KIF5B: variants seen among roughly 807,000 people sequenced by gnomAD.
KIF5B encodes the protein kinesin family member 5B.
Under a neutral mutation model 132.8 loss-of-function variants are expected in KIF5B, and 49 were observed. That is an observed-to-expected ratio of 0.37 (90% confidence interval 0.29 to 0.47). The LOEUF (loss-of-function observed/expected upper bound fraction) is 0.47, where lower values mean the gene tolerates loss of function less well. Among genes scored for constraint, KIF5B ranks in the 20% least tolerant of loss-of-function variants. KIF5B has a pLI of 1.00. For synonymous variants in KIF5B, 355 were observed against 369.4 expected (o/e 0.96, Z 0.45); for missense variants, 780 against 1,144.0 (o/e 0.68, Z 4.59).
intron 14 of KIF5B, among the ~76,000 whole-genome samples, chr10:32,030,732 T>C (rs547532271): frequency 6.6e-6 from 1 of 152,308 alleles, no homozygotes; most frequent in African/African-American, 2.4e-5. Context: ...AATAGCTTTA[T>C]TGGGCAACTA....
At chr10:32,044,029 T>C (rs746878757) in intron 2 of KIF5B, among the ~76,000 whole-genome samples, 2 of 152,136 alleles carry the variant, frequency 1.3e-5, no homozygotes, top group Non-Finnish European at 2.9e-5. Context: ...TCCTCACACC[T>C]CCCTAGGTAC....
At chr10:32,037,652 A>T (rs1309814860) in intron 6 of KIF5B, 45 bp from the exon 7 acceptor site, 1 of 1,405,912 alleles carries the variant, frequency 7.1e-7, no homozygotes, top group Admixed American at 1.8e-5. Flanking sequence ...GGCCAACATG[A>T]TGAAACCCTT....
intron 6 of KIF5B, 74 bp downstream of exon 6, chr10:32,038,089 G>A (rs545070415): frequency 4.5e-5 from 39 of 865,998 alleles, no homozygotes; most frequent in African/African-American, 1.2e-4. Flanking sequence ...CAGCCTGGGC[G>A]ACAGAGTGAG....
intron 19 of KIF5B, 94 bp from the exon 20 acceptor site, chr10:32,020,053 C>T: frequency 2.4e-6 from 2 of 823,446 alleles, no homozygotes; most frequent in Non-Finnish European, 3.9e-6. Flanking sequence ...TCTATAATCT[C>T]ATCAAGGACT....
chr10:32,035,871 A>G lies in KIF5B; in HGVS notation c.816+19T>C. The G allele has an allele frequency of 1.9e-6, 3 of 1,574,948 alleles. No individual in the cohort carries two copies. The highest frequency in any genetic ancestry group is 2.6e-6 in the Non-Finnish European group (3 of 1,151,508). On this transcript the variant is annotated intron_variant, in intron 9 of 25. Transcript: ENST00000302418. ...ATGCCCCATAAGGTAACAGGGAGAT[A>G]GAAGACATGTATACTCACACTACCC...
At chr10:32,052,162 C>A (rs1486742305) in intron 1 of KIF5B, among the ~76,000 whole-genome samples, 1 of 152,220 alleles carries the variant, frequency 6.6e-6, no homozygotes, top group East Asian at 1.9e-4. Flanking sequence ...GGACACCCTT[C>A]TGGCAGGGAT....
Position 32,056,200 on chromosome 10 carries a change from T to G in KIF5B, c.-227A>C. The G allele has an allele frequency of 2.8e-5, 14 of 496,722 alleles. No homozygotes were observed. The highest frequency in any genetic ancestry group is 8.4e-5 in the East Asian group (2 of 23,836). 30.8% of individuals were successfully genotyped at this position (496,722 alleles called of 1,614,324 possible). A position where few individuals can be genotyped will look rare whatever the true frequency, so the allele number is the denominator to read the frequency against. On this transcript the variant is annotated 5_prime_UTR_variant, in exon 1 of 26. The change abolishes an upstream ATG in the 5' untranslated region. Coordinates refer to ENST00000302418, the MANE Select transcript of KIF5B (RefSeq NM_004521.3). ...CACTTCCGATCCATCATGGCAGCCATGGCGGCGGCAGCGGCGGCGGCACCG... is the reference window on the plus strand; with the variant it reads ...CACTTCCGATCCATCATGGCAGCCAGGGCGGCGGCAGCGGCGGCGGCACCG...
Position 32,033,906 on chromosome 10 carries a change from T to C in KIF5B, c.1244A>G (p.Asp415Gly). 2 of 1,613,362 alleles carry C rather than the reference T, an allele frequency of 1.2e-6. No individual in the cohort carries two copies. Among genetic ancestry groups the C allele is most frequent in the Non-Finnish European group, 1.7e-6 (2 of 1,179,674 alleles). ...TTCTTCACACTTTCTTCTTTCAGCA[T>C]CAGTAAAATTTCCTATAACTCCAAT... The part of the protein sequence containing the change: ...TAIGVIGNFT[D>G]AERRKCEEEI... Residue 415 changes from aspartate to glycine, a missense_variant, in exon 12 of 26, where the codon GAT (aspartate) becomes GGT (glycine). By Grantham distance (94) the Asp-to-Gly change is moderately conservative (BLOSUM62 -1). Around this residue, in one of 9 missense-constraint regions of KIF5B, gnomAD observed 471 missense variants for 569.9 expected, o/e 0.83. Coordinates refer to ENST00000302418, the MANE Select transcript of KIF5B (RefSeq NM_004521.3).
chr10:32,014,549 AAG>A (rs150457811), intron 25 of KIF5B, among the ~76,000 whole-genome samples: 1,611 of 149,476 alleles, frequency 0.011, 12 homozygotes, highest in Non-Finnish European at 0.016. Context: ...AAGCTCCAGA[AAG>A]AGAGAGAGAG....
intron 1 of KIF5B, among the ~76,000 whole-genome samples, chr10:32,050,715 G>C (rs187777330): frequency 5.9e-5 from 9 of 152,188 alleles, no homozygotes; most frequent in Non-Finnish European, 8.8e-5. Flanking sequence ...AATAGGCATC[G>C]ATGTCTGATT....
At chr10:32,025,747 A>G (rs534104097) in intron 15 of KIF5B, among the ~76,000 whole-genome samples, 45 of 152,242 alleles carry the variant, frequency 3.0e-4, no homozygotes, top group Non-Finnish European at 5.7e-4. Context: ...AGGTGAATGG[A>G]TAAACAAACC....
chr10:32,023,020 C>A lies in KIF5B; in HGVS notation c.1742G>T (p.Gly581Val). 2 of 1,583,612 alleles carry A rather than the reference C, an allele frequency of 1.3e-6. No individual in the cohort carries two copies. Among genetic ancestry groups the A allele is most frequent in the Non-Finnish European group, 1.7e-6 (2 of 1,162,444 alleles). ...AACAGTGAACTCTTCATCTATCATG[C>A]CAGTTCCCTCAGGCTGCTGTAAGGA... ...NNDVKQPEGT[G>V]MIDEEFTVAR... Residue 581 changes from glycine to valine, a missense_variant, in exon 16 of 26, where the codon GGC becomes GTC. Physicochemically the swap from Gly to Val is moderately radical, Grantham distance 109. Around this residue, in one of 9 missense-constraint regions of KIF5B, gnomAD observed 471 missense variants for 569.9 expected, o/e 0.83. Coordinates refer to ENST00000302418, the MANE Select transcript of KIF5B (RefSeq NM_004521.3).
rs959923135 is a variant in KIF5B, at chr10:32,011,800, T to A, written c.*21-284A>T. 7.2e-5 allele frequency among the ~76,000 whole-genome samples: 11 copies of A among 152,226 alleles called. No homozygotes were observed. The South Asian group carries it at 1.0e-3, about 14-fold the overall frequency. On this transcript the variant is annotated intron_variant, in intron 25 of 25. Coordinates refer to ENST00000302418, the MANE Select transcript of KIF5B (RefSeq NM_004521.3). Reference sequence around the variant, plus strand: ...CTCCCAAATAAAGCTATGGGTAAGCTGATTTATGAATTGTATTTGTTTAAA... The same window carrying A: ...CTCCCAAATAAAGCTATGGGTAAGCAGATTTATGAATTGTATTTGTTTAAA...
rs368281189 is a variant in KIF5B, at chr10:32,018,297, C to G, written c.2439+19G>C. The G allele has an allele frequency of 4.0e-5, 60 of 1,497,658 alleles. 1 individual carries two copies. In the South Asian group the frequency reaches 8.2e-4, roughly 20 times the overall value. 92.8% of individuals were successfully genotyped at this position (1,497,658 alleles called of 1,614,324 possible). A position where few individuals can be genotyped will look rare whatever the true frequency, so the allele number is the denominator to read the frequency against. Reference sequence around the variant, plus strand: ...AAGCACCATTTATGCAAACGCCTACCTCGGCATAGTTACATTACCTTTTTA... The same window carrying G: ...AAGCACCATTTATGCAAACGCCTACGTCGGCATAGTTACATTACCTTTTTA... On this transcript the variant is annotated intron_variant, in intron 22 of 25. Coordinates refer to ENST00000302418, the MANE Select transcript of KIF5B (RefSeq NM_004521.3).
At chr10:32,028,744 A>G (rs1313294066) in intron 14 of KIF5B, among the ~76,000 whole-genome samples, 173 bp from the exon 15 acceptor site, 1 of 152,218 alleles carries the variant, frequency 6.6e-6, no homozygotes, top group Non-Finnish European at 1.5e-5. Context: ...AACTTAAAAT[A>G]TATTTTAGAC....
Position 32,056,023 on chromosome 10 carries a change from T to G in KIF5B, c.-50A>C. The G allele has an allele frequency of 6.3e-7, 1 of 1,595,762 alleles. No individual in the cohort carries two copies. The highest frequency in any genetic ancestry group is 1.3e-5 in the African/African-American group (1 of 74,690). On this transcript the variant is annotated 5_prime_UTR_variant, in exon 1 of 26. Transcript: ENST00000302418. ...CCGGGAGCCACTCCCCGCCGCTCAGTCTTGCAGGGAACGCGCCGGACCTGA... is the reference window on the plus strand; with the variant it reads ...CCGGGAGCCACTCCCCGCCGCTCAGGCTTGCAGGGAACGCGCCGGACCTGA...
chr10:32,031,724 C>G (rs372363003), intron 13 of KIF5B, among the ~76,000 whole-genome samples: 4 of 150,766 alleles, frequency 2.7e-5, no homozygotes, highest in African/African-American at 9.8e-5. Context: ...TTGGGCCAGG[C>G]GGGGTGGCTC....
At chr10:32,029,842 T>C (rs1202756797) in intron 14 of KIF5B, among the ~76,000 whole-genome samples, 1 of 152,242 alleles carries the variant, frequency 6.6e-6, no homozygotes, top group Non-Finnish European at 1.5e-5. Context: ...TTGTTAATAA[T>C]GCAACTCAGT....
At chr10:32,025,596 A>C (rs1841324467) in intron 15 of KIF5B, among the ~76,000 whole-genome samples, 1 of 151,792 alleles carries the variant, frequency 6.6e-6, no homozygotes, top group South Asian at 2.1e-4. Flanking sequence ...GGCTGGTCTC[A>C]AACTCCTAGC....
Sources: allele counts gnomAD v4.1 joint callset (sites outside exome capture counted in the v4.1 genomes callset), GRCh38; gene constraint gnomAD v4.1.1; regional missense constraint gnomAD v4.1.1; transcripts MANE v1.5; gene names NCBI Gene and HGNC (gene_info 2026-07-23, HGNC 2026-07-21).